The following TAP2 variants were observed in gnomAD, a reference collection of about 807,000 sequenced individuals.
TAP2 encodes transporter 2, ATP binding cassette subfamily B member.
TAP2 carries 49 observed loss-of-function variants against 74.7 expected under a neutral mutation model. The ratio of observed to expected loss-of-function variants is 0.66; its 90% CI spans 0.52 to 0.83. The LOEUF (loss-of-function observed/expected upper bound fraction) is 0.83, where lower values mean the gene tolerates loss of function less well. Ranked by LOEUF, TAP2 falls within the 40% of genes least tolerant of loss-of-function variation. The probability of loss-of-function intolerance (pLI) is 0.00; values close to 1 mark genes in which losing one functional copy is unlikely to be tolerated. For missense variants in TAP2, 739 were observed against 859.0 expected (o/e 0.86, Z 1.75); for synonymous variants, 306 against 368.4 (o/e 0.83, Z 1.94).
chr6:32,835,728 C>T lies in TAP2; in HGVS notation c.654G>A (p.Met218Ile), dbSNP rs1769375658. 8 of 1,613,032 alleles carry T rather than the reference C, an allele frequency of 5.0e-6. No homozygotes were observed. The East Asian group carries it at 1.8e-4, about 36-fold the overall frequency. Residue 218 changes from methionine (M) to isoleucine (I), a missense_variant, in exon 4 of 12, where the codon ATG (methionine) becomes ATA (isoleucine). Transcript: ENST00000374897. This position sits in a 1 kb window ranked among gnomAD's most constrained non-coding sequence, Gnocchi z 4.0. Reference sequence around the variant, plus strand: ...CCCGGATCCGCAAGTTGATTCGAGACATGGTGTAGGTGAAGCAGCCTCCTC... The same window carrying T: ...CCCGGATCCGCAAGTTGATTCGAGATATGGTGTAGGTGAAGCAGCCTCCTC... ...GCRGGCFTYT[M>I]SRINLRIREQ...
chr6:32,828,929 G>C lies in TAP2; in HGVS notation c.2038C>G (p.Leu680Val). ...HQILVLQEGK[L>V]QKLAQL ...TCCTAGAGCTGGGCAAGCTTCTGCA[G>C]CTTGCCCTCCTGGAGCACCAGGATC... Residue 680 changes from leucine to valine, a missense_variant, in exon 12 of 12, where the codon CTG becomes GTG. Transcript: ENST00000374897. 1 of 1,545,992 alleles carries C rather than the reference G, an allele frequency of 6.5e-7. No homozygotes were observed. Among genetic ancestry groups the C allele is most frequent in the South Asian group, 1.2e-5 (1 of 83,324 alleles).
chr6:32,835,614 G>C lies in TAP2; in HGVS notation c.739+29C>G. On this transcript the variant is annotated intron_variant, in intron 4 of 11. Coordinates refer to ENST00000374897, the MANE Select transcript of TAP2 (RefSeq NM_001290043.2). The surrounding 1 kb of genome is among the most constrained non-coding windows in gnomAD (Gnocchi z 4.0). The stretch of plus-strand genomic sequence containing the variant: ...ACTGAGGGGCAAGGGATGTCCATGG[G>C]AATCTCAGACCTGGACTCCAGGCCC... 6.2e-7 allele frequency: 1 copy of C among 1,613,024 alleles called. No homozygotes were observed. The highest frequency in any genetic ancestry group is 1.6e-4 in the Middle Eastern group (1 of 6,062).
Position 32,837,947 on chromosome 6 carries a change from G to A in TAP2, c.287C>T (p.Ser96Leu). The change falls in exon 2 of 12, where the codon TCA (serine) becomes TTA (leucine). Residue 96 changes from serine to leucine, a missense_variant. Physicochemically the swap from Ser to Leu is moderately radical, Grantham distance 145 (BLOSUM62 -2). Coordinates refer to ENST00000374897, the MANE Select transcript of TAP2 (RefSeq NM_001290043.2). ...ASRAPPARVA[S>L]APWSWLLVGY... ...CACCAGCAGCCAGCTCCAAGGGGCTGAAGCGACTCTGGCTGGGGGAGCACG... is the reference window on the plus strand; with the variant it reads ...CACCAGCAGCCAGCTCCAAGGGGCTAAAGCGACTCTGGCTGGGGGAGCACG... 6.3e-7 allele frequency: 1 copy of A among 1,597,010 alleles called. No individual in the cohort carries two copies. The highest frequency in any genetic ancestry group is 8.5e-7 in the Non-Finnish European group (1 of 1,171,228).
chr6:32,836,899 C>A (rs950121585), intron 3 of TAP2, among the ~76,000 whole-genome samples: 2 of 152,210 alleles, frequency 1.3e-5, no homozygotes, highest in African/African-American at 4.8e-5. Context: ...GACAATCAGG[C>A]CGGCTGGGAT....
Position 32,828,423 on chromosome 6 carries a change from T to G in TAP2, c.*483A>C. On this transcript the variant is annotated 3_prime_UTR_variant, in exon 12 of 12. Transcript: ENST00000374897. Reference sequence around the variant, plus strand: ...ATGTCATTTTTGGTTAATTTCTATCTCAAACAACAGATAAACGACTGATGG... The same window carrying G: ...ATGTCATTTTTGGTTAATTTCTATCGCAAACAACAGATAAACGACTGATGG... The G allele has an allele frequency of 7.1e-6, 7 of 985,026 alleles. No individual in the cohort carries two copies. The South Asian group carries it at 3.3e-4, about 46-fold the overall frequency. The allele number at this position is 985,026 out of a possible 1,614,324, so 61.0% of individuals were successfully genotyped here.
rs1312668928 is a variant in TAP2, at chr6:32,832,456, C to T, written c.1149G>A (p.Leu383=). 6.2e-7 allele frequency: 1 copy of T among 1,612,488 alleles called. No homozygotes were observed. Among genetic ancestry groups the T allele is most frequent in the Non-Finnish European group, 8.5e-7 (1 of 1,179,814 alleles). ...RALYLLVRRV[L]HLGVQMLMLS... ...GCATCAGCATCTGCACCCCCAAGTG[C>T]AGCACCTGGAAGAGGAGAAGAAAGA... is the stretch of plus-strand genomic sequence containing the variant. The change falls in exon 7 of 12, where the codon CTG becomes CTA. Residue 383 remains leucine, a synonymous_variant. Transcript: ENST00000374897. This position sits in a 1 kb window ranked among gnomAD's most constrained non-coding sequence, Gnocchi z 5.9.
chr6:32,830,729 C>T lies in TAP2; in HGVS notation c.1350G>A (p.Gln450=). The change falls in exon 8 of 12, where the codon CAG becomes CAA. Residue 450 remains glutamine, a synonymous_variant. Coordinates refer to ENST00000374897, the MANE Select transcript of TAP2 (RefSeq NM_001290043.2). Reference sequence around the variant, plus strand: ...GCGTGCCAGGTGAAGGCAGATTTGGCTGTCGGTCCATGTAGGAGAAAACCT... The same window carrying T: ...GCGTGCCAGGTGAAGGCAGATTTGGTTGTCGGTCCATGTAGGAGAAAACCT... ...AEKVFSYMDR[Q]PNLPSPGTLA... 3.1e-6 allele frequency: 5 copies of T among 1,613,018 alleles called. No individual in the cohort carries two copies. Among genetic ancestry groups the T allele is most frequent in the Non-Finnish European group, 4.2e-6 (5 of 1,180,014 alleles).
intron 11 of TAP2, 128 bp from the exon 12 acceptor site, chr6:32,829,162 A>G (rs1768870817): frequency 6.7e-7 from 1 of 1,496,250 alleles, no homozygotes. Flanking sequence ...AGGGCAGTAG[A>G]TAAAGGCCTG....
rs1376258330 is a variant in TAP2 at position 32,832,590 on chromosome 6, T to A, written c.1143+37A>T. 1 of 1,612,990 alleles carries A rather than the reference T, an allele frequency of 6.2e-7. No individual in the cohort carries two copies. The highest frequency in any genetic ancestry group is 8.5e-7 in the Non-Finnish European group (1 of 1,179,952). Reference sequence around the variant, plus strand: ...TTTCCTCTTCCCTTGCCCTCCCCCTTTCCTGGGCTCCTTTCACAACCACTC... The same window carrying A: ...TTTCCTCTTCCCTTGCCCTCCCCCTATCCTGGGCTCCTTTCACAACCACTC... On this transcript the variant is annotated intron_variant, in intron 6 of 11. Coordinates refer to ENST00000374897, the MANE Select transcript of TAP2 (RefSeq NM_001290043.2). The surrounding 1 kb of genome is among the most constrained non-coding windows in gnomAD (Gnocchi z 5.9).
At position 32,838,190 on chromosome 6, in the gene TAP2, A is replaced by C. The variant is rs55827768; in HGVS notation, c.44T>G (p.Val15Gly). The C allele has an allele frequency of 6.3e-7, 1 of 1,592,600 alleles. No individual in the cohort carries two copies. Among genetic ancestry groups the C allele is most frequent in the Non-Finnish European group, 8.5e-7 (1 of 1,169,630 alleles). Reference protein sequence around the residue: ...DLRPWTSLLLVDAALLWLLQG... With the variant: ...DLRPWTSLLLGDAALLWLLQG... ...AAGCAGCCACAGTAAAGCCGCGTCC[A>C]CCAGCAGCAGGGAGGTCCAGGGTCT... Residue 15 changes from valine to glycine, a missense_variant, in exon 2 of 12, where the codon GTG becomes GGG. Val to Gly is a moderately radical substitution (Grantham distance 109). Transcript: ENST00000374897.
chr6:32,837,975 AG>A lies in TAP2; in HGVS notation c.258del (p.Ser87HisfsTer33). The A allele has an allele frequency of 6.2e-7, 1 of 1,612,638 alleles. No homozygotes were observed. Among genetic ancestry groups the A allele is most frequent in the Non-Finnish European group, 8.5e-7 (1 of 1,179,848 alleles). Reference sequence around the variant, plus strand: ...GCGACTCTGGCTGGGGGAGCACGTGAGGCCCCCGCGACCAGGGCTCTCAGGG... The same window carrying A: ...GCGACTCTGGCTGGGGGAGCACGTGAGCCCCCGCGACCAGGGCTCTCAGGG... ...TVSLRALVAGASRAPPARVAS... is the reference protein window; with the variant it reads ...TVSLRALVAGXSRAPPARVAS... On this transcript the variant is annotated frameshift_variant, in exon 2 of 12. Coordinates refer to ENST00000374897, the MANE Select transcript of TAP2 (RefSeq NM_001290043.2). LOFTEE classifies it high-confidence loss of function.
intron 11 of TAP2, 61 bp from the exon 12 acceptor site, chr6:32,829,095 G>A (rs1768866897): frequency 6.6e-7 from 1 of 1,519,102 alleles, no homozygotes; most frequent in African/African-American, 1.4e-5. Flanking sequence ...ACATCCACCT[G>A]GGCACCATCT....
In TAP2 at chr6:32,831,911, T is replaced by C. The variant is rs1376932125; in HGVS notation, c.1272+422A>G. ...GATACCACAAGTGGAAATTTGACAA[T>C]TGACTATTTGATAAATTTTAAGAAC... On this transcript the variant is annotated intron_variant, in intron 7 of 11. Coordinates refer to ENST00000374897, the MANE Select transcript of TAP2 (RefSeq NM_001290043.2). Among the ~76,000 whole-genome samples, 5 of 152,356 alleles carry C rather than the reference T, an allele frequency of 3.3e-5. No individual in the cohort carries two copies. In the South Asian group the frequency reaches 6.2e-4, roughly 19 times the overall value.
At chr6:32,838,350 A>T (rs1769581767) in intron 1 of TAP2, 113 bp from the exon 2 acceptor site, 4 of 1,388,758 alleles carry the variant, frequency 2.9e-6, no homozygotes, top group Non-Finnish European at 3.8e-6. Flanking sequence ...ATTTTATCCT[A>T]TTCAACCCTG....
rs1768723041 is a variant in TAP2 at position 32,827,345 on chromosome 6, A to C, written c.*1561T>G. On this transcript the variant is annotated 3_prime_UTR_variant, in exon 12 of 12. Transcript: ENST00000374897. ...AGATATTTATTCATTTATTCAATTGACTATTTATTCTCCACTATGAATTAG... is the reference window on the plus strand; with the variant it reads ...AGATATTTATTCATTTATTCAATTGCCTATTTATTCTCCACTATGAATTAG... 6.3e-5 allele frequency: 62 copies of C among 983,904 alleles called. No individual in the cohort carries two copies. The highest frequency in any genetic ancestry group is 7.0e-5 in the Non-Finnish European group (58 of 829,344). The allele number at this position is 983,904 out of a possible 1,614,324, so 60.9% of individuals were successfully genotyped here. A position where few individuals can be genotyped will look rare whatever the true frequency, so the allele number is the denominator to read the frequency against.
At chr6:32,821,923 A>G (rs1006657960), downstream of TAP2, 1 of 224,280 alleles carries the variant, frequency 4.5e-6, no homozygotes, top group Non-Finnish European at 8.7e-6. Context: ...GTGGTGATTG[A>G]CGTCTCAAAC....
At chr6:32,822,917 C>CTTTTTTT (rs3041453), downstream of TAP2, among the ~76,000 whole-genome samples, 75 of 109,992 alleles carry the variant, frequency 6.8e-4, no homozygotes, top group African/African-American at 1.8e-3. Flanking sequence ...TGTGTTCATA[C>CTTTTTTT]TTTTTTTTTT....
chr6:32,838,684 A>G lies in TAP2; in HGVS notation c.-36T>C, dbSNP rs2071552. ...CGGCGGGGAGACCGCAGCTCCGGGG[A>G]CTTCTGCTTCAGCGCTGAGGTCCGC... On this transcript the variant is annotated 5_prime_UTR_variant, in exon 1 of 12. Transcript: ENST00000374897. 0.45 allele frequency: 73,826 copies of G among 164,528 alleles called. 16,978 individuals carry two copies. Among genetic ancestry groups the G allele is most frequent in the Middle Eastern group, 0.56 (203 of 364 alleles). The allele number at this position is 164,528 out of a possible 1,614,324, so 10.2% of individuals were successfully genotyped here.
downstream of TAP2, among the ~76,000 whole-genome samples, chr6:32,823,677 TAAG>T (rs1405734560): frequency 1.3e-5 from 2 of 152,152 alleles, no homozygotes; most frequent in Non-Finnish European, 2.9e-5. Context: ...TTAGTTCAGT[TAAG>T]AAGCCCATTT....
Sources: gnomAD v4.1 joint callset for allele counts (sites outside exome capture counted in the v4.1 genomes callset) on GRCh38, gnomAD v4.1.1 for gene constraint, Gnocchi (gnomAD v3.1) non-coding constraint, MANE v1.5 for transcripts, NCBI Gene and HGNC (gene_info 2026-07-23, HGNC 2026-07-21) for gene names.